Variants in KCNH1 observed in about 807,000 individuals in gnomAD.
The protein encoded by KCNH1 is voltage-gated delayed rectifier potassium channel KCNH1.
KCNH1 carries 27 observed loss-of-function variants against 69.2 expected under a neutral mutation model. The ratio of observed to expected loss-of-function variants is 0.39; its 90% CI spans 0.29 to 0.54. The LOEUF (loss-of-function observed/expected upper bound fraction) is 0.54, where lower values mean the gene tolerates loss of function less well. Among genes scored for constraint, KCNH1 ranks in the 20% least tolerant of loss-of-function variants. The probability of loss-of-function intolerance (pLI) is 0.68; values close to 1 mark genes in which losing one functional copy is unlikely to be tolerated. For synonymous variants in KCNH1, 456 were observed against 487.7 expected (o/e 0.93, Z 0.86); for missense variants, 798 against 1,261.6 (o/e 0.63, Z 5.57).
intron 5 of KCNH1, among the ~76,000 whole-genome samples, chr1:211,057,819 G>A (rs889942262): frequency 3.9e-5 from 6 of 152,090 alleles, no homozygotes; most frequent in South Asian, 4.1e-4. Flanking sequence ...TTATAACACA[G>A]AACTTTCCAA....
intron 3 of KCNH1, among the ~76,000 whole-genome samples, chr1:211,102,473 A>G (rs923503893): frequency 3.9e-5 from 6 of 152,184 alleles, no homozygotes; most frequent in African/African-American, 1.4e-4. Context: ...GAGGGAGTGA[A>G]CTGGAGCAAG....
intron 10 of KCNH1, among the ~76,000 whole-genome samples, chr1:210,701,806 A>AATATC (rs1681788432): frequency 6.6e-6 from 1 of 151,926 alleles, no homozygotes; most frequent in African/African-American, 2.4e-5. Flanking sequence ...CCCTTGCCCA[A>AATATC]ATATCATCTG....
chr1:211,011,003 A>C (rs1398562550), intron 6 of KCNH1, among the ~76,000 whole-genome samples: 2 of 151,980 alleles, frequency 1.3e-5, no homozygotes, highest in East Asian at 3.9e-4. Flanking sequence ...ATCATACTTT[A>C]AGCTCTGGGA....
intron 6 of KCNH1, among the ~76,000 whole-genome samples, chr1:210,965,515 T>C (rs769462016): frequency 1.3e-5 from 2 of 151,996 alleles, no homozygotes; most frequent in Admixed American, 6.6e-5. Context: ...ATAGCCAAGA[T>C]GATCCTCAGC....
At chr1:210,726,730 G>A (rs953655461) in intron 10 of KCNH1, among the ~76,000 whole-genome samples, 2 of 152,202 alleles carry the variant, frequency 1.3e-5, no homozygotes, top group African/African-American at 4.8e-5. Context: ...GAGTTCTCCT[G>A]CTCACATACT....
intron 10 of KCNH1, among the ~76,000 whole-genome samples, chr1:210,713,373 A>G (rs1682125662): frequency 6.6e-6 from 1 of 152,180 alleles, no homozygotes; most frequent in Non-Finnish European, 1.5e-5. Context: ...AAGTGTCCAA[A>G]TCATGCTTTC....
intron 6 of KCNH1, among the ~76,000 whole-genome samples, chr1:211,005,403 C>A (rs988874089): frequency 6.6e-6 from 1 of 151,906 alleles, no homozygotes; most frequent in South Asian, 2.1e-4. Flanking sequence ...GATATTGGTG[C>A]GGTAATATAC....
In KCNH1 at chr1:210,966,083, A is replaced by T. The variant is rs564333959; in HGVS notation, c.1033-46014T>A. ...AGAGGCCTCAGAAATAACACCACAC[A>T]TCTACAACCATCTGATCTTTGACAA... On this transcript the variant is annotated intron_variant, in intron 6 of 10. Coordinates refer to ENST00000271751, the MANE Select transcript of KCNH1 (RefSeq NM_172362.3). 3.3e-5 allele frequency among the ~76,000 whole-genome samples: 5 copies of T among 152,268 alleles called. No individual in the cohort carries two copies. The East Asian group carries it at 9.6e-4, about 29-fold the overall frequency.
chr1:211,050,120 C>T lies in KCNH1; in HGVS notation c.559-30864G>A, dbSNP rs536823346. On this transcript the variant is annotated intron_variant, in intron 5 of 10. Coordinates refer to ENST00000271751, the MANE Select transcript of KCNH1 (RefSeq NM_172362.3). ...TGATAAGAAACCTTGGTCCTCTAAA[C>T]CATTACTCTAGGTACACCCATGCCA... 8.3e-4 allele frequency among the ~76,000 whole-genome samples: 126 copies of T among 151,976 alleles called. 9 individuals carry two copies. Among genetic ancestry groups the T allele is most frequent in the Non-Finnish European group, 2.8e-4 (19 of 67,986 alleles).
chr1:210,780,908 G>A lies in KCNH1; in HGVS notation c.1916-5364C>T, dbSNP rs530903304. On this transcript the variant is annotated intron_variant, in intron 9 of 10. Coordinates refer to ENST00000271751, the MANE Select transcript of KCNH1 (RefSeq NM_172362.3). ...TAAAAATACAAAAAATTAGCCGGGC[G>A]TGGTGGCAGGTGCCTGTAGTCCCAG... Among the ~76,000 whole-genome samples the A allele has an allele frequency of 2.7e-4, 41 of 152,272 alleles. No homozygotes were observed. In the East Asian group the frequency reaches 5.8e-3, roughly 22 times the overall value.
intron 4 of KCNH1, 44 bp from the exon 5 acceptor site, chr1:211,082,942 CA>C (rs1690884617): frequency 6.8e-7 from 1 of 1,472,626 alleles, no homozygotes; most frequent in Admixed American, 1.7e-5. Flanking sequence ...AACCACATCC[CA>C]AAGGTGCACA....
intron 5 of KCNH1, among the ~76,000 whole-genome samples, chr1:211,064,799 A>T (rs1321258471): frequency 6.6e-6 from 1 of 152,200 alleles, no homozygotes; most frequent in Non-Finnish European, 1.5e-5. Context: ...TAAGACAACA[A>T]AAAACCTAAT....
intron 10 of KCNH1, among the ~76,000 whole-genome samples, chr1:210,730,709 C>T (rs531188459): frequency 4.0e-4 from 61 of 152,326 alleles, no homozygotes; most frequent in African/African-American, 1.4e-3. Flanking sequence ...TGTAAGCAGT[C>T]TGGATTCCCT....
At chr1:211,035,236 CTTTTTTTTTTT>C (rs765170558) in intron 5 of KCNH1, among the ~76,000 whole-genome samples, 2 of 75,046 alleles carry the variant, frequency 2.7e-5, no homozygotes, top group Admixed American at 1.8e-4. Context: ...TACTGGCATT[CTTTTTTTTTTT>C]TTTTTTTTTT....
At position 210,826,385 on chromosome 1, in the gene KCNH1, AT is replaced by A. The variant is rs558012459; in HGVS notation, c.1463-22220del. On this transcript the variant is annotated intron_variant, in intron 7 of 10. Coordinates refer to ENST00000271751, the MANE Select transcript of KCNH1 (RefSeq NM_172362.3). ...CCCATCCCCATGACTTTACAAGGTG[AT>A]TCCCTATGGAATTAGTAATGCTGCC... 2.5e-3 allele frequency among the ~76,000 whole-genome samples: 384 copies of A among 152,272 alleles called. 4 individuals carry two copies. Among genetic ancestry groups the A allele is most frequent in the African/African-American group, 9.0e-3 (375 of 41,558 alleles).
chr1:210,704,578 A>G (rs1681862048), intron 10 of KCNH1, among the ~76,000 whole-genome samples: 3 of 152,204 alleles, frequency 2.0e-5, no homozygotes, highest in Admixed American at 6.5e-5. Context: ...CAGCACACAC[A>G]TTATCTCATT....
At chr1:210,914,952 C>A (rs1687305606) in intron 7 of KCNH1, among the ~76,000 whole-genome samples, 1 of 152,034 alleles carries the variant, frequency 6.6e-6, no homozygotes, top group Admixed American at 6.6e-5. Context: ...ATAGATGTGG[C>A]TGACTTACAA....
chr1:211,038,529 G>C (rs540622152), intron 5 of KCNH1, among the ~76,000 whole-genome samples: 1 of 152,186 alleles, frequency 6.6e-6, no homozygotes, highest in African/African-American at 2.4e-5. Context: ...AAGAAGACAG[G>C]AAAATGTGGG....
intron 7 of KCNH1, among the ~76,000 whole-genome samples, chr1:210,874,675 T>C (rs1460763215): frequency 1.3e-5 from 2 of 152,240 alleles, no homozygotes; most frequent in Non-Finnish European, 2.9e-5. Flanking sequence ...TAGATTTTTA[T>C]ATTTTTTCAT....
Sources: allele counts gnomAD v4.1 joint callset (sites outside exome capture counted in the v4.1 genomes callset), GRCh38; gene constraint gnomAD v4.1.1; transcripts MANE v1.5; gene names NCBI Gene and HGNC (gene_info 2026-07-23, HGNC 2026-07-21).